The following NECTIN1 variants were observed in gnomAD, a reference collection of about 807,000 sequenced individuals.
NECTIN1 encodes the protein nectin-1.
In NECTIN1, 23 loss-of-function variants were observed where a neutral mutation model predicts 48.0. That is an observed-to-expected ratio of 0.48 (90% CI 0.34 to 0.68). The LOEUF is 0.68. NECTIN1 is among the 30% of genes least tolerant of loss of function. The pLI is 0.01. For missense variants in NECTIN1, 591 were observed against 709.9 expected, an observed-to-expected ratio of 0.83 and a Z score of 1.90; for synonymous variants, 270 against 288.9, an observed-to-expected ratio of 0.93 and a Z score of 0.66.
intron 5 of NECTIN1, among the ~76,000 whole-genome samples, chr11:119,666,439 C>T (rs1159768461): frequency 6.6e-6 from 1 of 152,254 alleles, no homozygotes; most frequent in East Asian, 1.9e-4. Context: ...CAGTACTGTT[C>T]TTTGGCCAAC....
Position 119,661,418 on chromosome 11 carries a change from C to T in NECTIN1, c.*3329G>A, listed in dbSNP as rs1419347955. 9.1e-6 allele frequency: 9 copies of T among 985,784 alleles called. No homozygotes were observed. The South Asian group carries it at 4.2e-4, about 46-fold the overall frequency. 61.1% of individuals were successfully genotyped at this position (985,784 alleles called of 1,614,324 possible). On this transcript the variant is annotated 3_prime_UTR_variant, in exon 6 of 6. Coordinates refer to ENST00000264025, the MANE Select transcript of NECTIN1 (RefSeq NM_002855.5). ...CCCCGGTACTGGGCAGTGTGTGAAG[C>T]CTCCCTGTGGGTGTGGGGACCTGGG...
At chr11:119,646,177 G>A (rs750820157) in intron 5 of NECTIN1, among the ~76,000 whole-genome samples, 1 of 152,192 alleles carries the variant, frequency 6.6e-6, no homozygotes, top group Non-Finnish European at 1.5e-5. Context: ...AATTTGCTCT[G>A]GTTCTGAACT....
At position 119,677,266 on chromosome 11, in the gene NECTIN1, A is replaced by C; in HGVS notation, c.734-47T>G. On this transcript the variant is annotated intron_variant, in intron 3 of 5. Transcript: ENST00000264025. This position sits in a 1 kb window ranked among gnomAD's most constrained non-coding sequence, Gnocchi z 5.4. ...AAGAGGGTGAGGTCAGGAGAGCGGG[A>C]CTTAGAACAAGGGAACTTCAGCCAG... is the stretch of plus-strand genomic sequence containing the variant. The C allele has an allele frequency of 6.6e-7, 1 of 1,522,220 alleles. No homozygotes were observed. Among genetic ancestry groups the C allele is most frequent in the Non-Finnish European group, 9.1e-7 (1 of 1,097,022 alleles). 94.3% of individuals were successfully genotyped at this position (1,522,220 alleles called of 1,614,324 possible).
At chr11:119,724,029 G>C (rs994394360) in intron 1 of NECTIN1, among the ~76,000 whole-genome samples, 1 of 152,136 alleles carries the variant, frequency 6.6e-6, no homozygotes, top group Non-Finnish European at 1.5e-5. Flanking sequence ...GCTTTCTGCT[G>C]CGTGAACCCA....
In NECTIN1 at chr11:119,662,530, C is replaced by T; in HGVS notation, c.*2217G>A. The T allele has an allele frequency of 1.0e-6, 1 of 985,726 alleles. No individual in the cohort carries two copies. Among genetic ancestry groups the T allele is most frequent in the African/African-American group, 1.7e-5 (1 of 57,256 alleles). The allele number at this position is 985,726 out of a possible 1,614,324, so 61.1% of individuals were successfully genotyped here. The stretch of plus-strand genomic sequence containing the variant: ...GGCTGGGCTTGGGGCCTTCAAAGTC[C>T]AACACAGAATGGGGAATAGAGGGTG... On this transcript the variant is annotated 3_prime_UTR_variant, in exon 6 of 6. Coordinates refer to ENST00000264025, the MANE Select transcript of NECTIN1 (RefSeq NM_002855.5). This position sits in a 1 kb window ranked among gnomAD's most constrained non-coding sequence, Gnocchi z 5.3.
At chr11:119,708,227 A>AGACAGG (rs1865580340) in intron 1 of NECTIN1, among the ~76,000 whole-genome samples, 1 of 152,166 alleles carries the variant, frequency 6.6e-6, no homozygotes, top group Non-Finnish European at 1.5e-5. Flanking sequence ...ACAGAGACAG[A>AGACAGG]CAGAGAGAGG....
chr11:119,694,819 G>GC (rs1440170676), intron 1 of NECTIN1, among the ~76,000 whole-genome samples: 6 of 152,056 alleles, frequency 3.9e-5, no homozygotes, highest in East Asian at 3.9e-4. Context: ...GTGTCCTGCT[G>GC]CCCCCCCAGG....
At chr11:119,647,115 C>A (rs1864405083) in intron 5 of NECTIN1, among the ~76,000 whole-genome samples, 1 of 150,576 alleles carries the variant, frequency 6.6e-6, no homozygotes, top group African/African-American at 2.5e-5. Flanking sequence ...CCCAACTGGT[C>A]TAGGCCTGTG....
At chr11:119,647,222 T>TGTGTGA (rs1365050105) in intron 5 of NECTIN1, among the ~76,000 whole-genome samples, 55 of 108,118 alleles carry the variant, frequency 5.1e-4, no homozygotes, top group Admixed American at 1.0e-3. Context: ...TGTGTGTGTG[T>TGTGTGA]GACTGTGACC....
chr11:119,675,571 G>A (rs1864932763), intron 4 of NECTIN1: 2 of 415,098 alleles, frequency 4.8e-6, no homozygotes, highest in East Asian at 4.8e-5. Context: ...TGAAACCTGA[G>A]GTTCAAGGCC....
intron 5 of NECTIN1, chr11:119,674,614 C>T: frequency 6.2e-7 from 1 of 1,614,220 alleles, no homozygotes; most frequent in Non-Finnish European, 8.5e-7. Flanking sequence ...AGCTCTTGTC[C>T]TCCCTTTGCC....
chr11:119,692,309 C>T (rs1460782079), intron 1 of NECTIN1, among the ~76,000 whole-genome samples: 8 of 152,258 alleles, frequency 5.3e-5, no homozygotes, highest in Non-Finnish European at 1.2e-4. Flanking sequence ...AGCTCAGCCT[C>T]GGTGGCCACC....
intron 1 of NECTIN1, chr11:119,713,670 G>T (rs921925929): frequency 5.6e-6 from 2 of 357,360 alleles, no homozygotes; most frequent in Non-Finnish European, 1.1e-5. Flanking sequence ...GAATGGGACC[G>T]CAGTGATTGA....
intron 5 of NECTIN1, among the ~76,000 whole-genome samples, chr11:119,645,389 A>T (rs2135526617): frequency 6.6e-6 from 1 of 152,220 alleles, no homozygotes; most frequent in Non-Finnish European, 1.5e-5. Flanking sequence ...CCCAAGTCTT[A>T]TCTGAATGTC....
Position 119,662,480 on chromosome 11 carries a change from G to A in NECTIN1, c.*2267C>T, listed in dbSNP as rs1022192110. On this transcript the variant is annotated 3_prime_UTR_variant, in exon 6 of 6. Coordinates refer to ENST00000264025, the MANE Select transcript of NECTIN1 (RefSeq NM_002855.5). This position sits in a 1 kb window ranked among gnomAD's most constrained non-coding sequence, Gnocchi z 5.3. ...TTGCTTGTGGGGAGGGTGTGGAGGTGTCTTAAGGGGGAACTCAGTGCTTTG... is the reference window on the plus strand; with the variant it reads ...TTGCTTGTGGGGAGGGTGTGGAGGTATCTTAAGGGGGAACTCAGTGCTTTG... 1.3e-5 allele frequency: 13 copies of A among 985,726 alleles called. No individual in the cohort carries two copies. The African/African-American group carries it at 1.9e-4, about 15-fold the overall frequency. The allele number at this position is 985,726 out of a possible 1,614,324, so 61.1% of individuals were successfully genotyped here. A position where few individuals can be genotyped will look rare whatever the true frequency, so the allele number is the denominator to read the frequency against.
intron 1 of NECTIN1, among the ~76,000 whole-genome samples, chr11:119,694,924 C>T (rs773863152): frequency 6.6e-6 from 1 of 152,102 alleles, no homozygotes; most frequent in Non-Finnish European, 1.5e-5. Context: ...CAATATAGCC[C>T]CTTGACTCTC....
rs942742509 is a variant in NECTIN1 at position 119,678,785 on chromosome 11, C to T, written c.80-20G>A. The T allele has an allele frequency of 9.5e-6, 15 of 1,573,492 alleles. No homozygotes were observed. Among genetic ancestry groups the T allele is most frequent in the Non-Finnish European group, 1.3e-5 (15 of 1,155,558 alleles). ...GGACGCCTGGCCAGGAGGATGGCAG[C>T]AAGTGGTCAGTGTCAGGCACAGCCT... On this transcript the variant is annotated intron_variant, in intron 1 of 5. Coordinates refer to ENST00000264025, the MANE Select transcript of NECTIN1 (RefSeq NM_002855.5). This position sits in a 1 kb window ranked among gnomAD's most constrained non-coding sequence, Gnocchi z 4.4.
In NECTIN1 at chr11:119,728,592, G is replaced by C. The variant is rs779162410; in HGVS notation, c.-39C>G. ...TCCGGCGAGAGGGGCGGCGAGGGCA[G>C]CGCTCCTCGCGCAGCAGAAACCAGC... On this transcript the variant is annotated 5_prime_UTR_variant, in exon 1 of 6. Transcript: ENST00000264025. The C allele has an allele frequency of 5.0e-6, 7 of 1,404,622 alleles. No homozygotes were observed. The South Asian group carries it at 9.2e-5, about 19-fold the overall frequency. 87.0% of individuals were successfully genotyped at this position (1,404,622 alleles called of 1,614,324 possible).
intron 1 of NECTIN1, among the ~76,000 whole-genome samples, chr11:119,712,650 G>A (rs997250027): frequency 6.6e-6 from 1 of 152,092 alleles, no homozygotes; most frequent in African/African-American, 2.4e-5. Context: ...GCCACCACAA[G>A]GCTTACAAAA....
Sources: gnomAD v4.1 joint callset for allele counts (sites outside exome capture counted in the v4.1 genomes callset) on GRCh38, gnomAD v4.1.1 for gene constraint, Gnocchi (gnomAD v3.1) non-coding constraint, MANE v1.5 for transcripts, NCBI Gene and HGNC (gene_info 2026-07-23, HGNC 2026-07-21) for gene names.